DISC1: variants seen among roughly 807,000 people sequenced by gnomAD.
DISC1 encodes disrupted in schizophrenia 1 protein.
A neutral mutation model predicts 84.5 loss-of-function variants in DISC1; 57 were observed. The ratio of observed to expected loss-of-function variants is 0.67; its 90% confidence interval spans 0.55 to 0.84. The LOEUF (loss-of-function observed/expected upper bound fraction) is 0.84. Among genes scored for constraint, DISC1 ranks in the 40% least tolerant of loss-of-function variants. The pLI is 0.00. For synonymous variants in DISC1, 411 were observed against 415.2 expected (o/e 0.99, Z 0.12); for missense variants, 1,000 against 1,057.8 (o/e 0.95, Z 0.76).
At chr1:231,656,944 A>G (rs1442223926) in intron 1 of DISC1, among the ~76,000 whole-genome samples, 1 of 152,182 alleles carries the variant, frequency 6.6e-6, no homozygotes, top group Non-Finnish European at 1.5e-5. Context: ...GACTCCATCC[A>G]TATCCCTGCA....
chr1:231,799,966 C>G lies in DISC1; in HGVS notation c.1690-142C>G, dbSNP rs189131290. The G allele has an allele frequency of 3.2e-5, 18 of 565,220 alleles. No individual in the cohort carries two copies. In the African/African-American group the frequency reaches 3.6e-4, roughly 11 times the overall value. The allele number at this position is 565,220 out of a possible 1,614,324, so 35.0% of individuals were successfully genotyped here. A position where few individuals can be genotyped will look rare whatever the true frequency, so the allele number is the denominator to read the frequency against. On this transcript the variant is annotated intron_variant, in intron 7 of 12. Transcript: ENST00000439617. ...TTTGTCTTTCTTTTTCCATTGCTTG[C>G]TTTTTGAACATTGTCTTCCAATTAC...
chr1:231,694,602 AG>A lies in DISC1; in HGVS notation c.846del (p.Asn283ThrfsTer60). 4 of 1,614,266 alleles carry A rather than the reference AG, an allele frequency of 2.5e-6. No individual in the cohort carries two copies. The highest frequency in any genetic ancestry group is 3.4e-6 in the Non-Finnish European group (4 of 1,180,046). Reference sequence around the variant, plus strand: ...CTCTGCAGACTTGGCCCAGGCCGCAAGGAACAGCTCCAGGCCAGAGCGTGAC... The same window carrying A: ...CTCTGCAGACTTGGCCCAGGCCGCAAGAACAGCTCCAGGCCAGAGCGTGAC... Reference protein sequence around the residue: ...RVSADLAQAARNSSRPERDMH... With the variant: ...RVSADLAQAAXNSSRPERDMH... On this transcript the variant is annotated frameshift_variant, in exon 2 of 13. Transcript: ENST00000439617. LOFTEE classifies it high-confidence loss of function.
intron 6 of DISC1, among the ~76,000 whole-genome samples, chr1:231,775,279 T>C (rs1207259818): frequency 6.6e-6 from 1 of 152,208 alleles, no homozygotes; most frequent in African/African-American, 2.4e-5. Flanking sequence ...GAAAAGAAAC[T>C]TCCTAATAGC....
intron 3 of DISC1, among the ~76,000 whole-genome samples, chr1:231,718,322 T>A (rs2069062359): frequency 6.6e-6 from 1 of 152,226 alleles, no homozygotes; most frequent in Admixed American, 6.5e-5. Flanking sequence ...AATGTCACTA[T>A]CAGGACAAAT....
chr1:231,978,615 G>A (rs1325642484), intron 10 of DISC1, among the ~76,000 whole-genome samples: 5 of 152,164 alleles, frequency 3.3e-5, no homozygotes, highest in African/African-American at 4.8e-5. Context: ...TCGTATATTC[G>A]TGATATTTCA....
intron 3 of DISC1, among the ~76,000 whole-genome samples, chr1:231,747,430 A>C (rs1390872273): frequency 2.0e-5 from 3 of 152,202 alleles, no homozygotes; most frequent in African/African-American, 4.8e-5. Context: ...CTAGATTTTC[A>C]TATAAGGTGA....
chr1:232,030,115 C>T (rs1463317489), intron 12 of DISC1, among the ~76,000 whole-genome samples: 6 of 152,176 alleles, frequency 3.9e-5, no homozygotes, highest in South Asian at 2.1e-4. Context: ...AGGTGGCTCA[C>T]GCCTAGTGCC....
At chr1:231,637,827 C>T (rs1017850787) in intron 1 of DISC1, among the ~76,000 whole-genome samples, 17 of 152,244 alleles carry the variant, frequency 1.1e-4, no homozygotes, top group East Asian at 3.9e-4. Flanking sequence ...TTTTCTGATA[C>T]ATTGATTTAT....
intron 1 of DISC1, among the ~76,000 whole-genome samples, chr1:231,686,211 G>A (rs907479356): frequency 2.6e-5 from 4 of 152,200 alleles, no homozygotes; most frequent in Non-Finnish European, 5.9e-5. Flanking sequence ...TCTTCTCACA[G>A]CTCCACTAGG....
chr1:231,719,314 G>T (rs1181863659), intron 3 of DISC1, among the ~76,000 whole-genome samples: 2 of 152,172 alleles, frequency 1.3e-5, no homozygotes, highest in Non-Finnish European at 2.9e-5. Flanking sequence ...ATAGTGCTTG[G>T]TCAAAGTAGC....
intron 3 of DISC1, among the ~76,000 whole-genome samples, chr1:231,730,468 G>A (rs888577607): frequency 4.6e-5 from 7 of 152,032 alleles, no homozygotes; most frequent in African/African-American, 1.7e-4. Context: ...TGTTGTGCAG[G>A]TTTGTGACAA....
rs1471999438 is a variant in DISC1 at position 231,675,338 on chromosome 1, A to G, written c.68-18488A>G. ...CTCTCCCTGCCTCTTCCCCAGCCCT[A>G]CCCTATTGCACATTTTAGTGTGGCT... On this transcript the variant is annotated intron_variant, in intron 1 of 12. Transcript: ENST00000439617. This position sits in a 1 kb window ranked among gnomAD's most constrained non-coding sequence, Gnocchi z 4.1. 6.6e-6 allele frequency among the ~76,000 whole-genome samples: 1 copy of G among 151,602 alleles called. No individual in the cohort carries two copies. Among genetic ancestry groups the G allele is most frequent in the Non-Finnish European group, 1.5e-5 (1 of 67,874 alleles).
At chr1:231,743,415 C>G (rs1365030694) in intron 3 of DISC1, among the ~76,000 whole-genome samples, 1 of 152,182 alleles carries the variant, frequency 6.6e-6, no homozygotes, top group Non-Finnish European at 1.5e-5. Context: ...GTGGGGAAGA[C>G]TCAGGTTTTC....
intron 1 of DISC1, among the ~76,000 whole-genome samples, chr1:231,678,411 G>A (rs199525578): frequency 2.0e-4 from 31 of 152,152 alleles, no homozygotes; most frequent in Non-Finnish European, 4.4e-4. Context: ...GAAGTCAGCG[G>A]CCATAAGATC....
At chr1:231,720,862 G>A in intron 3 of DISC1, 2 of 1,290,968 alleles carry the variant, frequency 1.5e-6, no homozygotes, top group Non-Finnish European at 2.0e-6. Flanking sequence ...GTTGGAGGAA[G>A]TTGCTACCAG....
At chr1:231,740,113 A>G (rs965133116) in intron 3 of DISC1, among the ~76,000 whole-genome samples, 2 of 152,174 alleles carry the variant, frequency 1.3e-5, no homozygotes, top group Non-Finnish European at 2.9e-5. Flanking sequence ...ACCAGAACCT[A>G]TGCTGGCAGC....
At chr1:231,927,077 G>T (rs984189198) in intron 9 of DISC1, among the ~76,000 whole-genome samples, 1 of 152,148 alleles carries the variant, frequency 6.6e-6, no homozygotes, top group African/African-American at 2.4e-5. Context: ...AAGCCTTTGG[G>T]GATGGTGATA....
chr1:231,683,225 T>C (rs1243685206), intron 1 of DISC1, among the ~76,000 whole-genome samples: 2 of 152,186 alleles, frequency 1.3e-5, no homozygotes, highest in Non-Finnish European at 1.5e-5. Flanking sequence ...TTAAAGTTTA[T>C]GATGCATTTG....
At position 231,954,555 on chromosome 1, in the gene DISC1, G is replaced by A. The variant is rs1572319935; in HGVS notation, c.1982-4273G>A. On this transcript the variant is annotated intron_variant, in intron 9 of 12. Transcript: ENST00000439617. This position sits in a 1 kb window ranked among gnomAD's most constrained non-coding sequence, Gnocchi z 4.8. Reference sequence around the variant, plus strand: ...CAGGAAGGGGGTCTGCAGTCCTCTGGTCTTGTTTGTTTCGTAGCATTTCAT... The same window carrying A: ...CAGGAAGGGGGTCTGCAGTCCTCTGATCTTGTTTGTTTCGTAGCATTTCAT... Among the ~76,000 whole-genome samples the A allele has an allele frequency of 6.6e-6, 1 of 152,118 alleles. No homozygotes were observed. Among genetic ancestry groups the A allele is most frequent in the East Asian group, 1.9e-4 (1 of 5,190 alleles).
Sources: gnomAD v4.1 joint callset for allele counts (sites outside exome capture counted in the v4.1 genomes callset) on GRCh38, gnomAD v4.1.1 for gene constraint, Gnocchi (gnomAD v3.1) non-coding constraint, MANE v1.5 for transcripts, NCBI Gene and HGNC (gene_info 2026-07-23, HGNC 2026-07-21) for gene names.